Variants in NRG1 observed in about 807,000 individuals in gnomAD.
NRG1 encodes neuregulin 1.
NRG1 carries 18 observed loss-of-function variants against 63.8 expected under a neutral mutation model. That is an observed-to-expected ratio of 0.28 (90% CI 0.19 to 0.42). The LOEUF (loss-of-function observed/expected upper bound fraction) is 0.42, where lower values mean the gene tolerates loss of function less well. Ranked by LOEUF, NRG1 falls within the 10% of genes least tolerant of loss-of-function variation. The pLI is 1.00. For synonymous variants in NRG1, 302 were observed against 301.3 expected, an observed-to-expected ratio of 1.00 and a Z score of -0.02; for missense variants, 762 against 814.7, an observed-to-expected ratio of 0.94 and a Z score of 0.79.
chr8:32,637,885 A>G (rs1174431736), intron 5 of NRG1, among the ~76,000 whole-genome samples: 1 of 152,156 alleles, frequency 6.6e-6, no homozygotes, highest in Non-Finnish European at 1.5e-5. Context: ...AGGCCCATTA[A>G]GTAGAGTTGT....
chr8:32,606,789 G>A (rs909917060), intron 3 of NRG1, among the ~76,000 whole-genome samples: 4 of 152,020 alleles, frequency 2.6e-5, no homozygotes, highest in African/African-American at 4.8e-5. Flanking sequence ...AAAGGCAAGC[G>A]CTCTTAAAGT....
chr8:31,704,345 A>C (rs887496112), intron 1 of NRG1, among the ~76,000 whole-genome samples: 6 of 152,244 alleles, frequency 3.9e-5, no homozygotes, highest in African/African-American at 1.4e-4. Context: ...TGTTATACAC[A>C]ATATAAATAA....
At chr8:31,888,926 A>T (rs560150076) in intron 1 of NRG1, among the ~76,000 whole-genome samples, 3 of 152,178 alleles carry the variant, frequency 2.0e-5, no homozygotes, top group Non-Finnish European at 4.4e-5. Flanking sequence ...CTGTATTTAC[A>T]CAAAGGAGAC....
intron 1 of NRG1, among the ~76,000 whole-genome samples, chr8:31,934,693 GCTA>G (rs899987974): frequency 2.6e-5 from 4 of 151,910 alleles, no homozygotes; most frequent in African/African-American, 9.7e-5. Context: ...TTGACTGATA[GCTA>G]CTATTTAATG....
intron 1 of NRG1, among the ~76,000 whole-genome samples, chr8:32,132,123 A>G (rs1834905956): frequency 6.6e-6 from 1 of 152,070 alleles, no homozygotes; most frequent in South Asian, 2.1e-4. Flanking sequence ...TTTGAGAAGC[A>G]ATAATGATAT....
Position 32,755,480 on chromosome 8 carries a change from T to TAG in NRG1, c.795-919_795-918dup, listed in dbSNP as rs1290593199. ...TTAGTGTGTTGCCAGAATTAAGGGATAGAGATAAGCCTTCCTGGAGTCGAC... is the reference window on the plus strand; with the variant it reads ...TTAGTGTGTTGCCAGAATTAAGGGATAGAGAGATAAGCCTTCCTGGAGTCGAC... On this transcript the variant is annotated intron_variant, in intron 8 of 11. Transcript: ENST00000356819. 7.9e-5 allele frequency among the ~76,000 whole-genome samples: 12 copies of TAG among 152,244 alleles called. No homozygotes were observed. The East Asian group carries it at 2.1e-3, about 27-fold the overall frequency.
At chr8:31,960,425 A>G (rs1460961208) in intron 1 of NRG1, among the ~76,000 whole-genome samples, 2 of 152,130 alleles carry the variant, frequency 1.3e-5, no homozygotes, top group African/African-American at 2.4e-5. Flanking sequence ...TTTTCTTCTA[A>G]ATCATTCTGA....
chr8:32,105,239 A>C (rs1212519024), intron 1 of NRG1, among the ~76,000 whole-genome samples: 1 of 152,184 alleles, frequency 6.6e-6, no homozygotes, highest in Non-Finnish European at 1.5e-5. Context: ...TATGTAGAGC[A>C]TGACTGTATT....
chr8:31,766,921 G>A (rs1422098241), intron 1 of NRG1, among the ~76,000 whole-genome samples: 1 of 152,126 alleles, frequency 6.6e-6, no homozygotes, highest in African/African-American at 2.4e-5. Context: ...TTCTCCCTTT[G>A]TTCCACATGG....
chr8:31,787,142 A>C (rs1005558062), intron 1 of NRG1, among the ~76,000 whole-genome samples: 1 of 152,234 alleles, frequency 6.6e-6, no homozygotes, highest in African/African-American at 2.4e-5. Flanking sequence ...ATGAAGACCA[A>C]ACATGTATTT....
In NRG1 at chr8:31,640,669, C is replaced by G. The variant is rs772620596; in HGVS notation, c.37+1238C>G. ...GGCCGCCTTCCGAGCCTCTTTCCCC[C>G]CTCTGGAGACGGGCCGGAACCTCAA... On this transcript the variant is annotated intron_variant, in intron 1 of 10. Transcript: ENST00000519301. The surrounding 1 kb of genome is among the most constrained non-coding windows in gnomAD (Gnocchi z 6.3). The G allele has an allele frequency of 5.8e-5, 93 of 1,607,766 alleles. No homozygotes were observed. The highest frequency in any genetic ancestry group is 1.2e-4 in the South Asian group (11 of 90,380).
chr8:32,224,172 C>A (rs1347146627), intron 1 of NRG1, among the ~76,000 whole-genome samples: 1 of 152,178 alleles, frequency 6.6e-6, no homozygotes, highest in African/African-American at 2.4e-5. Flanking sequence ...TCTGTGGAAG[C>A]AATTTCCAGA....
At chr8:32,629,804 T>C (rs1849951049) in intron 5 of NRG1, among the ~76,000 whole-genome samples, 1 of 152,224 alleles carries the variant, frequency 6.6e-6, no homozygotes, top group Non-Finnish European at 1.5e-5. Context: ...ATCTACTTAT[T>C]AACTGGTCGC....
At chr8:32,604,940 C>T (rs562788437) in intron 2 of NRG1, among the ~76,000 whole-genome samples, 122 of 152,032 alleles carry the variant, frequency 8.0e-4, no homozygotes, top group Middle Eastern at 6.8e-3. Context: ...ATAATGTTGC[C>T]CAAATATTTA....
At position 32,100,049 on chromosome 8, in the gene NRG1, A is replaced by G. The variant is rs374168105; in HGVS notation, c.37+460618A>G. 4.0e-5 allele frequency among the ~76,000 whole-genome samples: 6 copies of G among 151,860 alleles called. No individual in the cohort carries two copies. The East Asian group carries it at 9.7e-4, about 25-fold the overall frequency. On this transcript the variant is annotated intron_variant, in intron 1 of 10. Transcript: ENST00000519301. ...CTGTGAATGAGAAGGGCTTAGGTCA[A>G]TTTCTCTTTCTACCCTTCTTCCAGC...
At chr8:32,174,024 C>G (rs1171359328) in intron 1 of NRG1, among the ~76,000 whole-genome samples, 1 of 152,022 alleles carries the variant, frequency 6.6e-6, no homozygotes, top group Non-Finnish European at 1.5e-5. Context: ...CACCCCAAAT[C>G]AACAGAATAT....
chr8:32,567,273 A>G (rs1837625337), intron 1 of NRG1, among the ~76,000 whole-genome samples: 2 of 152,338 alleles, frequency 1.3e-5, no homozygotes, highest in South Asian at 4.1e-4. Flanking sequence ...TTATAAACCA[A>G]AATGTCAATG....
chr8:32,670,489 G>A (rs980242515), intron 5 of NRG1, among the ~76,000 whole-genome samples: 21 of 151,882 alleles, frequency 1.4e-4, no homozygotes, highest in Admixed American at 3.3e-4. Context: ...GAGTTATTCC[G>A]TTCTTATCCA....
chr8:32,636,472 T>G (rs1273837224), intron 5 of NRG1, among the ~76,000 whole-genome samples: 1 of 152,154 alleles, frequency 6.6e-6, no homozygotes, highest in East Asian at 1.9e-4. Context: ...GCCTCTGGCC[T>G]TAGGGTCCAC....
Sources: allele counts gnomAD v4.1 joint callset (sites outside exome capture counted in the v4.1 genomes callset), GRCh38; gene constraint gnomAD v4.1.1; non-coding constraint Gnocchi (gnomAD v3.1); transcripts MANE v1.5; gene names NCBI Gene and HGNC (gene_info 2026-07-23, HGNC 2026-07-21).